Variants in CFAP47 observed in about 807,000 individuals in gnomAD.
The protein encoded by CFAP47 is cilia and flagella associated protein 47, also known as cilia- and flagella-associated protein 47.
In CFAP47, 29 loss-of-function variants were observed where a neutral mutation model predicts 148.1. That is an observed-to-expected ratio of 0.20 (90% CI 0.15 to 0.27). CFAP47 has a LOEUF of 0.27. Among genes scored for constraint, CFAP47 ranks in the 10% least tolerant of loss-of-function variants. The pLI, the probability that CFAP47 is intolerant of heterozygous loss-of-function variation, is 1.00. For missense variants in CFAP47, 1,872 were observed against 1,697.5 expected (o/e 1.10, Z -1.81); for synonymous variants, 664 against 577.3 (o/e 1.15, Z -2.15).
intron 57 of CFAP47, among the ~76,000 whole-genome samples, chrX:36,338,935 C>T (rs1556015324): frequency 1.8e-5 from 2 of 111,888 alleles, no homozygotes; most frequent in African/African-American, 3.3e-5. Flanking sequence ...AACTGTTTTA[C>T]GTAACACCAT....
intron 33 of CFAP47, among the ~76,000 whole-genome samples, chrX:36,108,766 A>G (rs1311002632): frequency 9.1e-6 from 1 of 109,698 alleles, no homozygotes; most frequent in Non-Finnish European, 1.9e-5. Flanking sequence ...TCAGCGCTGT[A>G]AACTATTGAT....
At chrX:36,227,802 A>T in intron 45 of CFAP47, among the ~76,000 whole-genome samples, 1 of 112,113 alleles carries the variant, frequency 8.9e-6, no homozygotes, top group Middle Eastern at 4.6e-3. Context: ...ATTAACTATG[A>T]AACTTTTATT....
intron 48 of CFAP47, among the ~76,000 whole-genome samples, chrX:36,243,647 G>GTGTATATATATATATA (rs1179341078): frequency 1.6e-5 from 1 of 64,228 alleles, no homozygotes; most frequent in Admixed American, 1.9e-4. Context: ...ATATGTGTGT[G>GTGTATATATATATATA]TATATATATA....
intron 23 of CFAP47, among the ~76,000 whole-genome samples, chrX:36,033,613 G>A (rs944130388): frequency 9.0e-6 from 1 of 111,171 alleles, no homozygotes; most frequent in African/African-American, 3.3e-5. Context: ...ACCTTTTATA[G>A]TTAGGATATA....
intron 51 of CFAP47, among the ~76,000 whole-genome samples, chrX:36,294,466 T>C (rs1044973822): frequency 9.0e-6 from 1 of 111,331 alleles, no homozygotes; most frequent in Admixed American, 9.6e-5. Flanking sequence ...GAGCCAGCAG[T>C]TTGGGAGACC....
rs370095890 is a variant in CFAP47 at position 36,144,529 on chromosome X, T to C, written c.5536-690T>C. On this transcript the variant is annotated intron_variant, in intron 35 of 63. Transcript: ENST00000378653. ...GTGTCAACTTGACTGGATTGAAGGATGCCAAGATGACTGGCAACGTTTTGT... is the reference window on the plus strand; with the variant it reads ...GTGTCAACTTGACTGGATTGAAGGACGCCAAGATGACTGGCAACGTTTTGT... 48 of 1,005,181 alleles carry C rather than the reference T, an allele frequency of 4.8e-5. 1 individual carries two copies. The East Asian group carries it at 8.1e-4, about 17-fold the overall frequency. 82.8% of individuals were successfully genotyped at this position (1,005,181 alleles called of 1,213,427 possible). A position where few individuals can be genotyped will look rare whatever the true frequency, so the allele number is the denominator to read the frequency against.
chrX:35,947,868 C>T (rs934013901), intron 3 of CFAP47, among the ~76,000 whole-genome samples: 5 of 111,453 alleles, frequency 4.5e-5, no homozygotes, highest in Non-Finnish European at 7.5e-5. Context: ...AGTGTCTGAA[C>T]GTAGTAAGCA....
At chrX:36,335,621 G>A (rs1453832710) in intron 57 of CFAP47, among the ~76,000 whole-genome samples, 1 of 111,441 alleles carries the variant, frequency 9.0e-6, no homozygotes, top group Non-Finnish European at 1.9e-5. Flanking sequence ...TGGTTCCCAT[G>A]ACAGCTGGTT....
At chrX:36,348,488 CAT>C (rs1246424554) in intron 58 of CFAP47, among the ~76,000 whole-genome samples, 200 bp downstream of exon 58, 34 of 109,314 alleles carry the variant, frequency 3.1e-4, no homozygotes, top group African/African-American at 9.9e-4. Flanking sequence ...ATAATATATA[CAT>C]ATATATATAT....
chrX:36,235,854 G>C (rs28406365), intron 46 of CFAP47, 80 bp from the exon 47 acceptor site: 9 of 403,663 alleles, frequency 2.2e-5, no homozygotes, highest in East Asian at 8.3e-5. Context: ...TAATGCTATA[G>C]AAATTACCAA....
chrX:36,098,956 CT>C (rs1938326903), intron 31 of CFAP47, 82 bp downstream of exon 31: 1 of 426,959 alleles, frequency 2.3e-6, no homozygotes, highest in African/African-American at 2.5e-5. Context: ...GAATATTCTA[CT>C]TCAGACTGTT....
At chrX:36,229,282 G>A (rs1307554074) in intron 46 of CFAP47, among the ~76,000 whole-genome samples, 2 of 111,702 alleles carry the variant, frequency 1.8e-5, no homozygotes, top group Non-Finnish European at 3.8e-5. Context: ...GGGATAAATT[G>A]CCTTTTTTGG....
intron 21 of CFAP47, among the ~76,000 whole-genome samples, chrX:36,004,005 C>T (rs1326857979): frequency 1.1e-5 from 1 of 88,004 alleles, no homozygotes; most frequent in African/African-American, 4.5e-5. Flanking sequence ...TGGAGCCTCA[C>T]TCTGTCACCC....
intron 46 of CFAP47, among the ~76,000 whole-genome samples, chrX:36,233,370 T>C (rs782480137): frequency 7.6e-4 from 85 of 111,883 alleles, no homozygotes; most frequent in Non-Finnish European, 1.4e-3. Flanking sequence ...CATTATGTAA[T>C]GGCTTCTTTG....
intron 48 of CFAP47, among the ~76,000 whole-genome samples, chrX:36,248,677 A>G (rs1940654034): frequency 9.1e-6 from 1 of 109,920 alleles, no homozygotes; most frequent in South Asian, 3.7e-4. Flanking sequence ...TGCAAAAATC[A>G]ATGAGATCTA....
intron 22 of CFAP47, among the ~76,000 whole-genome samples, chrX:36,015,207 A>G (rs1937083213): frequency 9.3e-6 from 1 of 107,796 alleles, no homozygotes; most frequent in African/African-American, 3.4e-5. Context: ...TTAAGACAAA[A>G]TATAAATTAT....
chrX:36,379,264 G>A, intron 62 of CFAP47, 86 bp from the exon 63 acceptor site: 1 of 842,685 alleles, frequency 1.2e-6, no homozygotes, highest in Non-Finnish European at 1.7e-6. Context: ...ATTGCAGCAG[G>A]ATTCAAATTC....
At chrX:35,931,257 C>G (rs1004041441) in intron 2 of CFAP47, among the ~76,000 whole-genome samples, 3 of 110,658 alleles carry the variant, frequency 2.7e-5, no homozygotes, top group Admixed American at 1.9e-4. Flanking sequence ...TAGATTGATC[C>G]TTTTATTATA....
At chrX:36,333,390 T>C (rs1469058226) in intron 57 of CFAP47, among the ~76,000 whole-genome samples, 1 of 111,058 alleles carries the variant, frequency 9.0e-6, no homozygotes, top group Non-Finnish European at 1.9e-5. Context: ...AAGATACTTC[T>C]TTCCCTACAG....
Sources: gnomAD v4.1 joint callset for allele counts (sites outside exome capture counted in the v4.1 genomes callset) on GRCh38, gnomAD v4.1.1 for gene constraint, MANE v1.5 for transcripts, NCBI Gene and HGNC (gene_info 2026-07-23, HGNC 2026-07-21) for gene names.